CEP57L1: variants seen among roughly 807,000 people sequenced by gnomAD.
The protein encoded by CEP57L1 is centrosomal protein CEP57L1.
A neutral mutation model predicts 61.0 loss-of-function variants in CEP57L1; 37 were observed. That is an observed-to-expected ratio of 0.61 (90% confidence interval 0.47 to 0.80). The LOEUF is 0.80. Ranked by LOEUF, CEP57L1 falls within the 30% of genes least tolerant of loss-of-function variation. CEP57L1 has a pLI of 0.00. For missense variants in CEP57L1, 422 were observed against 524.7 expected (o/e 0.80, Z 1.91); for synonymous variants, 137 against 162.3 (o/e 0.84, Z 1.19).
intron 1 of CEP57L1, among the ~76,000 whole-genome samples, chr6:109,124,152 T>A (rs1268395642): frequency 6.6e-6 from 1 of 152,114 alleles, no homozygotes; most frequent in African/African-American, 2.4e-5. Flanking sequence ...ACCTGTACTT[T>A]GAGCGTTTGG....
At chr6:109,099,457 C>T (rs541615310) in intron 1 of CEP57L1, among the ~76,000 whole-genome samples, 66 of 152,254 alleles carry the variant, frequency 4.3e-4, no homozygotes, top group African/African-American at 1.5e-3. Context: ...CATTTAGCAA[C>T]ATGGAGGTCA....
intron 1 of CEP57L1, chr6:109,105,958 T>A (rs767020321): frequency 6.6e-6 from 1 of 152,200 alleles, no homozygotes; most frequent in Non-Finnish European, 1.5e-5. Context: ...AAACTGTGCA[T>A]GTGAGAGATC....
intron 9 of CEP57L1, among the ~76,000 whole-genome samples, chr6:109,160,168 A>G (rs1467241652): frequency 6.6e-6 from 1 of 152,200 alleles, no homozygotes; most frequent in Middle Eastern, 3.2e-3. Context: ...TATTAACAGT[A>G]TTTCAGTAGG....
intron 1 of CEP57L1, among the ~76,000 whole-genome samples, chr6:109,135,751 A>G (rs1774799648): frequency 6.6e-6 from 1 of 151,982 alleles, no homozygotes; most frequent in South Asian, 2.1e-4. Flanking sequence ...ACAAGTGGGC[A>G]AAGGATATGA....
In CEP57L1 at chr6:109,159,319, T is replaced by A. The variant is rs746670584; in HGVS notation, c.873T>A (p.Thr291=). The A allele has an allele frequency of 3.1e-6, 5 of 1,614,160 alleles. No homozygotes were observed. The South Asian group carries it at 5.5e-5, about 18-fold the overall frequency. ...TCCTTCAGAAACCTTTTAACGTGAC[T>A]GAGACTAGATGTCTCCCCAAGCCTT... ...PHILQKPFNV[T]ETRCLPKPSR... is the part of the protein sequence containing the mutation. The change falls in exon 9 of 11, where the codon ACT becomes ACA. Residue 291 remains threonine, a synonymous_variant. Coordinates refer to ENST00000517392, the MANE Select transcript of CEP57L1 (RefSeq NM_001271852.3).
intron 3 of CEP57L1, among the ~76,000 whole-genome samples, chr6:109,148,696 T>C (rs1222274176): frequency 2.6e-5 from 4 of 152,164 alleles, no homozygotes; most frequent in African/African-American, 9.7e-5. Context: ...ATCGCCACAC[T>C]GACTTCCACA....
At chr6:109,145,437 A>G (rs1282004239) in intron 2 of CEP57L1, 56 bp downstream of exon 2, 4 of 1,233,044 alleles carry the variant, frequency 3.2e-6, no homozygotes, top group East Asian at 2.5e-5. Flanking sequence ...AAAACTTTTC[A>G]TATTTATGTG....
At chr6:109,117,669 A>G (rs1772462219) in intron 1 of CEP57L1, among the ~76,000 whole-genome samples, 1 of 152,194 alleles carries the variant, frequency 6.6e-6, no homozygotes, top group Admixed American at 6.5e-5. Flanking sequence ...TGCTTAGCAA[A>G]CAGTATTGGA....
intron 5 of CEP57L1, among the ~76,000 whole-genome samples, chr6:109,154,387 A>G (rs1772999229): frequency 6.6e-6 from 1 of 152,164 alleles, no homozygotes; most frequent in Non-Finnish European, 1.5e-5. Context: ...CCTTTGAAAT[A>G]GTACTGTCCT....
chr6:109,129,832 T>G (rs1334157524), intron 1 of CEP57L1, among the ~76,000 whole-genome samples: 1 of 151,856 alleles, frequency 6.6e-6, no homozygotes, highest in African/African-American at 2.4e-5. Context: ...TAATTTAAAA[T>G]TTAAAATTTA....
Position 109,150,184 on chromosome 6 carries a change from CAA to C in CEP57L1, c.409_410del (p.Lys137GlufsTer36), listed in dbSNP as rs1374945111. 1.2e-6 allele frequency: 2 copies of C among 1,609,630 alleles called. No homozygotes were observed. The highest frequency in any genetic ancestry group is 1.3e-5 in the African/African-American group (1 of 74,812). ...CTTCTAGAGAAGCAACTAGAATATA[CAA>C]AGAGAATGGTTCTCAACGTAGAGCG... On this transcript the variant is annotated frameshift_variant, in exon 4 of 11. Transcript: ENST00000517392. LOFTEE classifies it high-confidence loss of function.
intron 1 of CEP57L1, among the ~76,000 whole-genome samples, chr6:109,126,335 T>C (rs1773558354): frequency 6.6e-6 from 1 of 152,226 alleles, no homozygotes; most frequent in South Asian, 2.1e-4. Flanking sequence ...TTTGGAAGTC[T>C]AATTGAGAAA....
rs188856957 is a variant in CEP57L1, at chr6:109,155,466, T to A, written c.657+159T>A. 1.8e-4 allele frequency among the ~76,000 whole-genome samples: 27 copies of A among 152,088 alleles called. No homozygotes were observed. The East Asian group carries it at 5.0e-3, about 28-fold the overall frequency. On this transcript the variant is annotated intron_variant, in intron 6 of 10. Transcript: ENST00000517392. ...ATTCTCAGTCAGCCAGTATGATACA[T>A]GGATGTATTACCAAGAGGTCTTTTT... is the stretch of plus-strand genomic sequence containing the variant.
chr6:109,155,660 G>T, intron 6 of CEP57L1, 131 bp from the exon 7 acceptor site: 1 of 605,442 alleles, frequency 1.7e-6, no homozygotes, highest in Non-Finnish European at 2.9e-6. Flanking sequence ...TACAAAAACG[G>T]TATCTTGGAT....
In CEP57L1 at chr6:109,095,564, A is replaced by C; in HGVS notation, c.-15A>C. ...TTAGCGGTGGCAGGGGCTGACTGAG[A>C]GCGTCTGCTTGGTAAGCACTGTAAG... is the stretch of plus-strand genomic sequence containing the variant. On this transcript the variant is annotated 5_prime_UTR_variant, in exon 1 of 11. Transcript: ENST00000517392. The C allele has an allele frequency of 2.0e-6, 2 of 985,844 alleles. No homozygotes were observed. The highest frequency in any genetic ancestry group is 2.4e-6 in the Non-Finnish European group (2 of 829,934). 61.1% of individuals were successfully genotyped at this position (985,844 alleles called of 1,614,324 possible).
intron 1 of CEP57L1, among the ~76,000 whole-genome samples, chr6:109,120,624 G>A (rs1193234038): frequency 6.6e-6 from 1 of 151,554 alleles, no homozygotes; most frequent in African/African-American, 2.4e-5. Context: ...CTGTGTAATG[G>A]GATTATGGGC....
At chr6:109,095,243 A>T, upstream of CEP57L1, 1 of 985,460 alleles carries the variant, frequency 1.0e-6, no homozygotes, top group Non-Finnish European at 1.2e-6. Flanking sequence ...GGAGAAGGGG[A>T]AGGAAAAAGT....
At chr6:109,135,868 G>T (rs369210663) in intron 1 of CEP57L1, among the ~76,000 whole-genome samples, 2 of 152,136 alleles carry the variant, frequency 1.3e-5, no homozygotes, top group African/African-American at 4.8e-5. Flanking sequence ...CAGTGAGATA[G>T]CATCTCACAC....
intron 5 of CEP57L1, 72 bp downstream of exon 5, chr6:109,154,021 AT>A (rs1772956241): frequency 1.3e-6 from 1 of 794,740 alleles, no homozygotes; most frequent in Admixed American, 2.5e-5. Flanking sequence ...TTTTATGTGA[AT>A]GTAGAGTAAA....
Sources: gnomAD v4.1 joint callset for allele counts (sites outside exome capture counted in the v4.1 genomes callset) on GRCh38, gnomAD v4.1.1 for gene constraint, MANE v1.5 for transcripts, NCBI Gene and HGNC (gene_info 2026-07-23, HGNC 2026-07-21) for gene names.